ATP6V1G3: variants seen among roughly 807,000 people sequenced by gnomAD.
The protein encoded by ATP6V1G3 is ATPase H+ transporting V1 subunit G3.
Under a neutral mutation model 9.3 loss-of-function variants are expected in ATP6V1G3, and 9 were observed. The ratio of observed to expected loss-of-function variants is 0.97; its 90% confidence interval spans 0.59 to 1.69. ATP6V1G3 has a LOEUF of 1.69. Ranked by LOEUF, ATP6V1G3 falls within the 40% of genes most tolerant of loss-of-function variation. The probability of loss-of-function intolerance (pLI) is 0.00; values close to 1 mark genes in which losing one functional copy is unlikely to be tolerated. For synonymous variants in ATP6V1G3, 43 were observed against 43.8 expected, an observed-to-expected ratio of 0.98 and a Z score of 0.07; for missense variants, 133 against 139.0, an observed-to-expected ratio of 0.96 and a Z score of 0.22.
At chr1:198,533,134 T>A (rs1455141206) in intron 1 of ATP6V1G3, among the ~76,000 whole-genome samples, 1 of 151,942 alleles carries the variant, frequency 6.6e-6, no homozygotes, top group Non-Finnish European at 1.5e-5. Flanking sequence ...TGAAACCCGG[T>A]CTCTACTAAA....
rs1013478852 is a variant in ATP6V1G3, at chr1:198,526,787, T to C, written c.183+2294A>G. Among the ~76,000 whole-genome samples, 5 of 152,174 alleles carry C rather than the reference T, an allele frequency of 3.3e-5. 1 individual carries two copies. Among genetic ancestry groups the C allele is most frequent in the African/African-American group, 1.2e-4 (5 of 41,448 alleles). On this transcript the variant is annotated intron_variant, in intron 2 of 2. Coordinates refer to ENST00000367382, the MANE Select transcript of ATP6V1G3 (RefSeq NM_001376861.1). ...TAAATTCAGGAAGAAAGACTAAAGA[T>C]ATAAAGGTCTTCAATATGCCCAAGG...
In ATP6V1G3 at chr1:198,537,501, T is replaced by G. The variant is rs529555504; in HGVS notation, c.82+3068A>C. On this transcript the variant is annotated intron_variant, in intron 1 of 2. Coordinates refer to ENST00000367382, the MANE Select transcript of ATP6V1G3 (RefSeq NM_001376861.1). ...CCCAAGTTTCTGAGAGTCTTGCAAATAAATGGATTTAAGAAAGAGAAAATG... is the reference window on the plus strand; with the variant it reads ...CCCAAGTTTCTGAGAGTCTTGCAAAGAAATGGATTTAAGAAAGAGAAAATG... Among the ~76,000 whole-genome samples, 13 of 152,272 alleles carry G rather than the reference T, an allele frequency of 8.5e-5. No homozygotes were observed. The South Asian group carries it at 2.3e-3, about 27-fold the overall frequency.
Position 198,526,402 on chromosome 1 carries a change from C to A in ATP6V1G3, c.183+2679G>T, listed in dbSNP as rs530783587. 7.9e-5 allele frequency among the ~76,000 whole-genome samples: 12 copies of A among 152,204 alleles called. No homozygotes were observed. In the East Asian group the frequency reaches 1.4e-3, roughly 17 times the overall value. On this transcript the variant is annotated intron_variant, in intron 2 of 2. Coordinates refer to ENST00000367382, the MANE Select transcript of ATP6V1G3 (RefSeq NM_001376861.1). ...TAGATATCTTGGATATTACAGAGAA[C>A]TCATTACTGTGTTCTGTTGCTCATG... is the stretch of plus-strand genomic sequence containing the variant.
At chr1:198,526,262 A>T (rs900074557) in intron 2 of ATP6V1G3, among the ~76,000 whole-genome samples, 1 of 152,148 alleles carries the variant, frequency 6.6e-6, no homozygotes, top group Admixed American at 6.6e-5. Flanking sequence ...GTTTCAGTGA[A>T]TGAATGTAAG....
In ATP6V1G3 at chr1:198,533,322, C is replaced by A. The variant is rs1046442381; in HGVS notation, c.83-4141G>T. 4.7e-5 allele frequency among the ~76,000 whole-genome samples: 7 copies of A among 150,050 alleles called. 1 individual carries two copies. In the South Asian group the frequency reaches 1.3e-3, roughly 27 times the overall value. ...GTCTAAAAAAAAAAAAAAAAAATTTCTTTGGCTGGTGTGGTGAAAATAGAA... is the reference window on the plus strand; with the variant it reads ...GTCTAAAAAAAAAAAAAAAAAATTTATTTGGCTGGTGTGGTGAAAATAGAA... On this transcript the variant is annotated intron_variant, in intron 1 of 2. Coordinates refer to ENST00000367382, the MANE Select transcript of ATP6V1G3 (RefSeq NM_001376861.1).
Position 198,527,466 on chromosome 1 carries a change from A to G in ATP6V1G3, c.183+1615T>C, listed in dbSNP as rs144666105. Among the ~76,000 whole-genome samples the G allele has an allele frequency of 2.0e-5, 3 of 152,292 alleles. 1 individual carries two copies. The East Asian group carries it at 5.8e-4, about 29-fold the overall frequency. On this transcript the variant is annotated intron_variant, in intron 2 of 2. Coordinates refer to ENST00000367382, the MANE Select transcript of ATP6V1G3 (RefSeq NM_001376861.1). ...GAAATGATATTTGAAGAGATTTAAC[A>G]CAAGCACTTTCTGAAATTGTGATTA...
chr1:198,530,824 G>T (rs1558178824), intron 1 of ATP6V1G3, among the ~76,000 whole-genome samples: 1 of 151,918 alleles, frequency 6.6e-6, no homozygotes, highest in Non-Finnish European at 1.5e-5. Flanking sequence ...TCTTCTATCT[G>T]TTTGTCATTT....
At chr1:198,524,292 T>G (rs1367159348) in intron 2 of ATP6V1G3, among the ~76,000 whole-genome samples, 2 of 152,038 alleles carry the variant, frequency 1.3e-5, no homozygotes, top group African/African-American at 4.8e-5. Flanking sequence ...ACCCTGCTAA[T>G]TTTTGTATTT....
chr1:198,539,600 T>A (rs1034959625), intron 1 of ATP6V1G3, among the ~76,000 whole-genome samples: 4 of 152,216 alleles, frequency 2.6e-5, no homozygotes, highest in African/African-American at 9.6e-5. Flanking sequence ...GGTTAAGATC[T>A]GGGCTTGGAA....
intron 1 of ATP6V1G3, among the ~76,000 whole-genome samples, chr1:198,531,450 G>A (rs115439427): frequency 2.0e-3 from 299 of 152,246 alleles, no homozygotes; most frequent in Non-Finnish European, 3.5e-3. Context: ...GACCAAAAGC[G>A]GGGAGAAAAG....
At chr1:198,533,272 C>T (rs1024433647) in intron 1 of ATP6V1G3, among the ~76,000 whole-genome samples, 3 of 150,340 alleles carry the variant, frequency 2.0e-5, no homozygotes, top group Non-Finnish European at 4.4e-5. Flanking sequence ...CATTGTATTC[C>T]AGCCTAGCAA....
intron 2 of ATP6V1G3, among the ~76,000 whole-genome samples, chr1:198,526,691 T>TC (rs1408099795): frequency 2.0e-5 from 3 of 152,122 alleles, no homozygotes; most frequent in Non-Finnish European, 4.4e-5. Context: ...TCAGGTCCCA[T>TC]CACCGCAAGA....
Position 198,529,192 on chromosome 1 carries a change from AC to A in ATP6V1G3, c.83-12del. The A allele has an allele frequency of 1.4e-6, 1 of 695,726 alleles. No homozygotes were observed. The highest frequency in any genetic ancestry group is 2.1e-6 in the Non-Finnish European group (1 of 481,694). 43.1% of individuals were successfully genotyped at this position (695,726 alleles called of 1,614,324 possible). The stretch of plus-strand genomic sequence containing the variant: ...ATCGCTTTCCTTTTCCTGAAAATTA[AC>A]AAATATATATATATATATATATAAT... On this transcript the variant is annotated splice_polypyrimidine_tract_variant and intron_variant, in intron 1 of 2. Transcript: ENST00000367382.
intron 1 of ATP6V1G3, among the ~76,000 whole-genome samples, chr1:198,534,346 C>T (rs1386865073): frequency 3.3e-5 from 5 of 152,130 alleles, no homozygotes; most frequent in African/African-American, 1.2e-4. Context: ...TAAAATGATG[C>T]AGCTGCGAGA....
At chr1:198,531,889 A>G (rs1659914714) in intron 1 of ATP6V1G3, among the ~76,000 whole-genome samples, 1 of 152,164 alleles carries the variant, frequency 6.6e-6, no homozygotes, top group Non-Finnish European at 1.5e-5. Flanking sequence ...ATGATTGACA[A>G]AAGTAGTTGT....
chr1:198,523,967 A>C (rs968002029), intron 2 of ATP6V1G3, among the ~76,000 whole-genome samples: 10 of 152,056 alleles, frequency 6.6e-5, no homozygotes, highest in South Asian at 4.1e-4. Context: ...CATTAAACTC[A>C]CTTTTGCTGT....
intron 1 of ATP6V1G3, 34 bp from the exon 2 acceptor site, chr1:198,529,215 T>C: frequency 2.4e-6 from 1 of 416,014 alleles, no homozygotes; most frequent in Non-Finnish European, 3.6e-6. Context: ...TATATATATA[T>C]AATTATATAT....
intron 2 of ATP6V1G3, 83 bp downstream of exon 2, chr1:198,528,996 TTC>T: frequency 1.9e-6 from 1 of 537,798 alleles, no homozygotes; most frequent in Non-Finnish European, 3.2e-6. Flanking sequence ...GCATATTTTT[TTC>T]TGTCAATATC....
At chr1:198,534,828 C>A (rs1004448798) in intron 1 of ATP6V1G3, among the ~76,000 whole-genome samples, 6 of 152,148 alleles carry the variant, frequency 3.9e-5, no homozygotes, top group African/African-American at 1.4e-4. Flanking sequence ...AACTTCTTGG[C>A]TTTGGGCGAT....
Sources: gnomAD v4.1 joint callset for allele counts (sites outside exome capture counted in the v4.1 genomes callset) on GRCh38, gnomAD v4.1.1 for gene constraint, MANE v1.5 for transcripts, NCBI Gene and HGNC (gene_info 2026-07-23, HGNC 2026-07-21) for gene names.